The following DLG1 variants were observed in gnomAD, a reference collection of about 807,000 sequenced individuals.
DLG1 encodes disks large homolog 1.
Under a neutral mutation model 123.4 loss-of-function variants are expected in DLG1, and 42 were observed. The ratio of observed to expected loss-of-function variants is 0.34; its 90% confidence interval spans 0.27 to 0.44. The LOEUF (loss-of-function observed/expected upper bound fraction) is 0.44, where lower values mean the gene tolerates loss of function less well. DLG1 is among the 20% of genes least tolerant of loss of function. DLG1 has a pLI of 1.00. For missense variants in DLG1, 942 were observed against 1,082.6 expected (o/e 0.87, Z 1.82); for synonymous variants, 317 against 356.2 (o/e 0.89, Z 1.24).
At chr3:197,187,708 A>C (rs537802609) in intron 5 of DLG1, among the ~76,000 whole-genome samples, 1 of 152,128 alleles carries the variant, frequency 6.6e-6, no homozygotes, top group Non-Finnish European at 1.5e-5. Context: ...TTTTGGGAAA[A>C]GGCTGAGGTT....
intron 4 of DLG1, among the ~76,000 whole-genome samples, chr3:197,262,282 C>T (rs1326385700): frequency 6.6e-6 from 1 of 152,122 alleles, no homozygotes; most frequent in Non-Finnish European, 1.5e-5. Context: ...TCTATAAAAA[C>T]TCTTAACAAC....
intron 3 of DLG1, among the ~76,000 whole-genome samples, chr3:197,288,656 G>C (rs1484137976): frequency 6.7e-6 from 1 of 149,140 alleles, no homozygotes; most frequent in Admixed American, 6.7e-5. Context: ...AGGAGGCGGA[G>C]GTTGTGGTGA....
intron 11 of DLG1, among the ~76,000 whole-genome samples, chr3:197,120,941 G>T (rs1258692811): frequency 6.6e-6 from 1 of 152,124 alleles, no homozygotes; most frequent in Admixed American, 6.5e-5. Context: ...ATTTTCAAGT[G>T]AATTGGTATG....
At chr3:197,160,153 T>C (rs939386047) in intron 5 of DLG1, among the ~76,000 whole-genome samples, 20 of 152,208 alleles carry the variant, frequency 1.3e-4, no homozygotes, top group Non-Finnish European at 2.9e-4. Flanking sequence ...TGTATTTTTA[T>C]AAGACTATGC....
chr3:197,185,787 C>T (rs137968075), intron 5 of DLG1, among the ~76,000 whole-genome samples: 337 of 152,256 alleles, frequency 2.2e-3, no homozygotes, highest in African/African-American at 7.9e-3. Context: ...GATGAAGATA[C>T]TGAATACAAC....
chr3:197,119,313 T>A, intron 12 of DLG1, 97 bp downstream of exon 12: 1 of 1,099,382 alleles, frequency 9.1e-7, no homozygotes, highest in Non-Finnish European at 1.2e-6. Context: ...TCAATAAAAT[T>A]TTTTAGTCCT....
intron 1 of DLG1, chr3:197,298,258 G>A (rs1338845917): frequency 1.1e-5 from 4 of 361,150 alleles, no homozygotes; most frequent in African/African-American, 2.1e-5. Flanking sequence ...GGGGGAGGCG[G>A]GTCGGGGGAG....
chr3:197,112,033 G>T (rs554273302), intron 13 of DLG1, among the ~76,000 whole-genome samples: 2 of 152,298 alleles, frequency 1.3e-5, no homozygotes, highest in South Asian at 4.1e-4. Context: ...AAGATTAGAT[G>T]TATGTTTAAC....
intron 11 of DLG1, among the ~76,000 whole-genome samples, chr3:197,122,180 C>T (rs1353815009): frequency 6.6e-6 from 1 of 151,660 alleles, no homozygotes; most frequent in Non-Finnish European, 1.5e-5. Flanking sequence ...AATGGTTTAG[C>T]GTTAGAAAAT....
At chr3:197,153,511 C>G (rs1794946881) in intron 5 of DLG1, among the ~76,000 whole-genome samples, 1 of 152,210 alleles carries the variant, frequency 6.6e-6, no homozygotes, top group South Asian at 2.1e-4. Flanking sequence ...TACTGGAGAT[C>G]TGTGCTCTGA....
At chr3:197,298,752 ATTG>A, upstream of DLG1, 3 of 396,218 alleles carry the variant, frequency 7.6e-6, no homozygotes, top group East Asian at 1.1e-4. Flanking sequence ...CTCCAGGCTG[ATTG>A]TTAAGTTACT....
intron 14 of DLG1, among the ~76,000 whole-genome samples, chr3:197,096,476 A>G (rs1760720289): frequency 6.6e-6 from 1 of 152,194 alleles, no homozygotes; most frequent in Non-Finnish European, 1.5e-5. Context: ...GGTAAGTCCA[A>G]TGGGCCACCG....
chr3:197,203,908 C>G (rs1440964149), intron 4 of DLG1, among the ~76,000 whole-genome samples: 1 of 152,150 alleles, frequency 6.6e-6, no homozygotes, highest in Non-Finnish European at 1.5e-5. Context: ...AACACAGATA[C>G]TTTTAGGGTA....
chr3:197,245,076 G>C (rs182144313), intron 4 of DLG1, among the ~76,000 whole-genome samples: 3 of 152,216 alleles, frequency 2.0e-5, no homozygotes, highest in Admixed American at 1.3e-4. Flanking sequence ...CATGATAATC[G>C]AGTTTTTAAA....
intron 4 of DLG1, among the ~76,000 whole-genome samples, chr3:197,221,030 AC>A (rs1561526570): frequency 6.6e-6 from 1 of 152,232 alleles, no homozygotes; most frequent in Non-Finnish European, 1.5e-5. Flanking sequence ...TCTTTTTGAA[AC>A]AGTATTCTTA....
chr3:197,144,120 A>G (rs1421692116), intron 6 of DLG1, among the ~76,000 whole-genome samples: 1 of 152,146 alleles, frequency 6.6e-6, no homozygotes, highest in Non-Finnish European at 1.5e-5. Context: ...AAATCACCCT[A>G]CCATCAAAAG....
chr3:197,198,147 C>CAAACA lies in DLG1; in HGVS notation c.319-3559_319-3558insTGTTT, dbSNP rs1554009816. The stretch of plus-strand genomic sequence containing the variant: ...TCAAAACAAAACAAAACAAAACAAA[C>CAAACA]AAAAAAATACTTTTGTTCATCAAAA... On this transcript the variant is annotated intron_variant, in intron 4 of 24. Transcript: ENST00000667157. Among the ~76,000 whole-genome samples the CAAACA allele has an allele frequency of 5.4e-4, 77 of 141,754 alleles. No homozygotes were observed. In the East Asian group the frequency reaches 9.6e-3, roughly 18 times the overall value. The allele number at this position is 141,754 out of a possible 152,430, so 93.0% of individuals were successfully genotyped here. A position where few individuals can be genotyped will look rare whatever the true frequency, so the allele number is the denominator to read the frequency against.
chr3:197,138,386 T>C lies in DLG1; in HGVS notation c.719A>G (p.Asn240Ser), dbSNP rs200751878. The change falls in exon 9 of 25, where the codon AAT becomes AGT. Residue 240 changes from asparagine (N) to serine (S), a missense_variant. Asn to Ser is a conservative substitution (Grantham distance 46). Coordinates refer to ENST00000667157, the MANE Select transcript of DLG1 (RefSeq NM_001366207.1). Reference protein sequence around the residue: ...AAAQDGRLRVNDCILRVNEVD... With the variant: ...AAAQDGRLRVSDCILRVNEVD... ...TTCATTTACTCGTAATATACAGTCATTGACCCTGAGAAAACAATTAAATAT... is the reference window on the plus strand; with the variant it reads ...TTCATTTACTCGTAATATACAGTCACTGACCCTGAGAAAACAATTAAATAT... 8.0e-6 allele frequency: 11 copies of C among 1,371,726 alleles called. No homozygotes were observed. Among genetic ancestry groups the C allele is most frequent in the Admixed American group, 2.6e-5 (1 of 37,992 alleles). The allele number at this position is 1,371,726 out of a possible 1,614,324, so 85.0% of individuals were successfully genotyped here.
chr3:197,185,359 G>A (rs7628045), intron 5 of DLG1, among the ~76,000 whole-genome samples: 114,873 of 152,072 alleles, frequency 0.76, 43,521 homozygotes, highest in East Asian at 0.82. Flanking sequence ...TGCGTCTGCT[G>A]AGAAGTGAAC....
Sources: gnomAD v4.1 joint callset for allele counts (sites outside exome capture counted in the v4.1 genomes callset) on GRCh38, gnomAD v4.1.1 for gene constraint, MANE v1.5 for transcripts, NCBI Gene and HGNC (gene_info 2026-07-23, HGNC 2026-07-21) for gene names.